KCNK2: variants seen among roughly 807,000 people sequenced by gnomAD.
KCNK2 encodes potassium channel subfamily K member 2.
A neutral mutation model predicts 40.5 loss-of-function variants in KCNK2; 21 were observed. That is an observed-to-expected ratio of 0.52 (90% CI 0.37 to 0.75). The LOEUF is 0.75. Among genes scored for constraint, KCNK2 ranks in the 30% least tolerant of loss-of-function variants. The probability of loss-of-function intolerance (pLI) is 0.00; values close to 1 mark genes in which losing one functional copy is unlikely to be tolerated. For synonymous variants in KCNK2, 191 were observed against 202.2 expected (o/e 0.94, Z 0.47); for missense variants, 399 against 531.6 (o/e 0.75, Z 2.45).
intron 1 of KCNK2, among the ~76,000 whole-genome samples, chr1:215,036,429 T>C (rs1045818463): frequency 6.6e-6 from 1 of 151,960 alleles, no homozygotes; most frequent in African/African-American, 2.4e-5. Flanking sequence ...GGCCCCATCT[T>C]AACATTCGCT....
intron 1 of KCNK2, 43 bp downstream of exon 1, chr1:215,083,474 C>T (rs1466007801): frequency 2.1e-6 from 3 of 1,419,470 alleles, no homozygotes; most frequent in Non-Finnish European, 3.0e-6. Context: ...TGGCCGCACG[C>T]TCTCCTGCCC....
chr1:215,146,410 T>C (rs576713252), intron 3 of KCNK2, among the ~76,000 whole-genome samples: 1 of 152,318 alleles, frequency 6.6e-6, no homozygotes, highest in South Asian at 2.1e-4. Context: ...GATTTTATTA[T>C]GTAAGTTGCA....
intron 1 of KCNK2, among the ~76,000 whole-genome samples, chr1:215,037,542 C>T (rs1196122533): frequency 2.6e-5 from 4 of 151,852 alleles, no homozygotes; most frequent in African/African-American, 4.8e-5. Context: ...TGACCTCATA[C>T]GTTAAATGTT....
chr1:215,022,130 A>ATCTATCTATCTATCTATCTATCTATCTAG (rs1558059696), intron 1 of KCNK2, among the ~76,000 whole-genome samples: 3 of 17,266 alleles, frequency 1.7e-4, no homozygotes, highest in African/African-American at 2.4e-4. Flanking sequence ...TATCTATCTA[A>ATCTATCTATCTATCTATCTATCTATCTAG]TCATCTATCT....
intron 1 of KCNK2, among the ~76,000 whole-genome samples, chr1:215,063,841 G>C (rs1213831623): frequency 6.6e-6 from 1 of 152,142 alleles, no homozygotes; most frequent in Non-Finnish European, 1.5e-5. Flanking sequence ...AATGGAAATG[G>C]AGAAAGAAAG....
intron 3 of KCNK2, among the ~76,000 whole-genome samples, chr1:215,133,256 C>T (rs1661752073): frequency 6.6e-6 from 1 of 152,140 alleles, no homozygotes; most frequent in African/African-American, 2.4e-5. Flanking sequence ...ATATTTTAAT[C>T]GTCTGAAAAG....
In KCNK2 at chr1:215,086,666, T is replaced by A. The variant is rs1659459524; in HGVS notation, c.345T>A (p.Asp115Glu). 1 of 1,613,506 alleles carries A rather than the reference T, an allele frequency of 6.2e-7. No individual in the cohort carries two copies. The highest frequency in any genetic ancestry group is 8.5e-7 in the Non-Finnish European group (1 of 1,179,582). Reference protein sequence around the residue: ...QHSCVNSTELDELIQQIVAAI... With the variant: ...QHSCVNSTELEELIQQIVAAI... ...CCTGTGTCAATTCGACGGAGCTGGA[T>A]GAACTCATTCAGGTAATGGCATGGG... Residue 115 changes from aspartate (D) to glutamate (E), a missense_variant, in exon 2 of 7, where the codon GAT becomes GAA. Asp to Glu is a conservative substitution (Grantham distance 45, BLOSUM62 2). Coordinates refer to ENST00000444842, the MANE Select transcript of KCNK2 (RefSeq NM_001017425.3).
At chr1:215,025,931 A>C (rs992642846) in intron 1 of KCNK2, among the ~76,000 whole-genome samples, 1 of 152,088 alleles carries the variant, frequency 6.6e-6, no homozygotes, top group East Asian at 1.9e-4. Flanking sequence ...ATGTTGCCCA[A>C]TTGCTTTCTT....
At chr1:215,030,635 A>G (rs1379593396) in intron 1 of KCNK2, among the ~76,000 whole-genome samples, 3 of 151,886 alleles carry the variant, frequency 2.0e-5, no homozygotes, top group Admixed American at 1.3e-4. Flanking sequence ...CCCAGGCTCA[A>G]GTGATCCTCC....
At chr1:215,156,745 A>T (rs1364544293) in intron 3 of KCNK2, among the ~76,000 whole-genome samples, 1 of 152,136 alleles carries the variant, frequency 6.6e-6, no homozygotes, top group Non-Finnish European at 1.5e-5. Flanking sequence ...GGACACAAGC[A>T]TGTCTTACCA....
Position 215,235,370 on chromosome 1 carries a change from G to C in KCNK2, c.*225G>C. ...GTCCACTTTCTTTGATGAGTGGAAT[G>C]ACAAGCAATGTCTGATGCCTTTTTG... On this transcript the variant is annotated 3_prime_UTR_variant, in exon 7 of 7. Coordinates refer to ENST00000444842, the MANE Select transcript of KCNK2 (RefSeq NM_001017425.3). The C allele has an allele frequency of 2.1e-6, 1 of 475,914 alleles. No homozygotes were observed. The highest frequency in any genetic ancestry group is 3.8e-6 in the Non-Finnish European group (1 of 266,326). 29.5% of individuals were successfully genotyped at this position (475,914 alleles called of 1,614,324 possible).
chr1:215,177,910 G>A (rs1053863152), intron 5 of KCNK2, among the ~76,000 whole-genome samples: 9 of 150,686 alleles, frequency 6.0e-5, no homozygotes, highest in East Asian at 3.9e-4. Context: ...CTAGCTTTGC[G>A]AAAAACGATA....
At chr1:215,218,146 A>T (rs11120520) in intron 6 of KCNK2, among the ~76,000 whole-genome samples, 1 of 152,190 alleles carries the variant, frequency 6.6e-6, no homozygotes, top group East Asian at 1.9e-4. Flanking sequence ...TAATGCAGTC[A>T]CAGTATAGGA....
intron 3 of KCNK2, among the ~76,000 whole-genome samples, chr1:215,141,854 G>C (rs1662188394): frequency 6.6e-6 from 1 of 152,002 alleles, no homozygotes; most frequent in African/African-American, 2.4e-5. Context: ...TTAATTCGTT[G>C]TTTTTAGAGA....
chr1:215,203,143 G>A (rs1425415766), intron 6 of KCNK2, among the ~76,000 whole-genome samples: 1 of 152,050 alleles, frequency 6.6e-6, no homozygotes, highest in African/African-American at 2.4e-5. Flanking sequence ...AGGGATTTTT[G>A]TATTTAATTT....
intron 5 of KCNK2, among the ~76,000 whole-genome samples, chr1:215,181,678 A>G (rs530017898): frequency 6.6e-6 from 1 of 152,206 alleles, no homozygotes; most frequent in Non-Finnish European, 1.5e-5. Flanking sequence ...AGCAGGTTTT[A>G]TCTTGAGCTA....
chr1:215,130,740 AGG>A (rs796415168), intron 3 of KCNK2, among the ~76,000 whole-genome samples: 1 of 152,202 alleles, frequency 6.6e-6, no homozygotes, highest in South Asian at 2.1e-4. Context: ...AGCAGTGAGG[AGG>A]GTGAAAGGTG....
intron 1 of KCNK2, among the ~76,000 whole-genome samples, chr1:215,021,026 T>A (rs1008146058): frequency 2.0e-5 from 3 of 152,310 alleles, no homozygotes; most frequent in East Asian, 3.9e-4. Flanking sequence ...TCAAATTTTT[T>A]AAATCACACA....
chr1:215,011,270 A>G (rs1656378135), intron 1 of KCNK2, among the ~76,000 whole-genome samples: 1 of 152,098 alleles, frequency 6.6e-6, no homozygotes, highest in Non-Finnish European at 1.5e-5. Flanking sequence ...AAATGAAATC[A>G]TACAGTTTAC....
Sources: gnomAD v4.1 joint callset for allele counts (sites outside exome capture counted in the v4.1 genomes callset) on GRCh38, gnomAD v4.1.1 for gene constraint, MANE v1.5 for transcripts, NCBI Gene and HGNC (gene_info 2026-07-23, HGNC 2026-07-21) for gene names.